The following AP2B1 variants were observed in gnomAD, a reference collection of about 807,000 sequenced individuals.
AP2B1 encodes adaptor related protein complex 2 subunit beta 1.
A neutral mutation model predicts 102.0 loss-of-function variants in AP2B1; 23 were observed. That is an observed-to-expected ratio of 0.23 (90% confidence interval 0.16 to 0.32). The LOEUF is 0.32. Among genes scored for constraint, AP2B1 ranks in the 10% least tolerant of loss-of-function variants. The pLI is 1.00. For missense variants in AP2B1, 541 were observed against 1,157.4 expected, an observed-to-expected ratio of 0.47 and a Z score of 7.73; for synonymous variants, 381 against 421.2, an observed-to-expected ratio of 0.90 and a Z score of 1.17.
At chr17:35,607,468 T>G (rs2073719658) in intron 4 of AP2B1, among the ~76,000 whole-genome samples, 1 of 152,226 alleles carries the variant, frequency 6.6e-6, no homozygotes, top group Non-Finnish European at 1.5e-5. Flanking sequence ...TTTTGGAAGT[T>G]AGAGTTGTGC....
At chr17:35,682,189 G>A (rs1395213752) in intron 17 of AP2B1, among the ~76,000 whole-genome samples, 1 of 151,482 alleles carries the variant, frequency 6.6e-6, no homozygotes, top group Non-Finnish European at 1.5e-5. Flanking sequence ...TGGAAGTTGA[G>A]GGCTGTGGTG....
intron 13 of AP2B1, among the ~76,000 whole-genome samples, chr17:35,656,884 C>CAAAAAAAA (rs11400227): frequency 2.2e-5 from 3 of 137,898 alleles, no homozygotes; most frequent in African/African-American, 2.7e-5. Context: ...GACTCCGTCT[C>CAAAAAAAA]AAAAAAAAAA....
intron 18 of AP2B1, among the ~76,000 whole-genome samples, chr17:35,692,366 TTAA>T (rs1394776956): frequency 1.3e-5 from 2 of 152,162 alleles, no homozygotes; most frequent in East Asian, 1.9e-4. Flanking sequence ...AAGCTAGGAG[TTAA>T]TGATGGATAA....
chr17:35,706,250 C>G (rs2076338975), intron 18 of AP2B1, among the ~76,000 whole-genome samples: 1 of 152,210 alleles, frequency 6.6e-6, no homozygotes, highest in Non-Finnish European at 1.5e-5. Flanking sequence ...CACCACTTAC[C>G]TAGAGGACCT....
intron 18 of AP2B1, among the ~76,000 whole-genome samples, chr17:35,708,687 T>G (rs760664215): frequency 6.6e-6 from 1 of 152,122 alleles, no homozygotes; most frequent in Non-Finnish European, 1.5e-5. Context: ...AAATAAGAGA[T>G]AGTATGGCAC....
intron 1 of AP2B1, among the ~76,000 whole-genome samples, chr17:35,593,420 A>G (rs1341770775): frequency 6.9e-6 from 1 of 144,540 alleles, no homozygotes; most frequent in Non-Finnish European, 1.5e-5. Context: ...ACCTATACGC[A>G]CCTACTAAAT....
chr17:35,653,803 A>G (rs1598185164), intron 13 of AP2B1, among the ~76,000 whole-genome samples: 1 of 151,528 alleles, frequency 6.6e-6, no homozygotes, highest in Admixed American at 6.6e-5. Flanking sequence ...TGAATTATCG[A>G]CCCCAGTGCT....
At chr17:35,630,976 C>G (rs1225670836) in intron 9 of AP2B1, among the ~76,000 whole-genome samples, 1 of 152,186 alleles carries the variant, frequency 6.6e-6, no homozygotes, top group African/African-American at 2.4e-5. Context: ...CAATGATTGC[C>G]TGTTTGCACT....
intron 3 of AP2B1, among the ~76,000 whole-genome samples, chr17:35,599,989 A>G (rs775277125): frequency 6.6e-6 from 1 of 152,324 alleles, no homozygotes; most frequent in East Asian, 1.9e-4. Context: ...GTTTATCGAT[A>G]CGGCTTCAGA....
rs2075647960 is a variant in AP2B1, at chr17:35,674,087, T to G, written c.2179-89T>G. 14 of 1,329,848 alleles carry G rather than the reference T, an allele frequency of 1.1e-5. No homozygotes were observed. The South Asian group carries it at 2.0e-4, about 19-fold the overall frequency. 82.4% of individuals were successfully genotyped at this position (1,329,848 alleles called of 1,614,324 possible). On this transcript the variant is annotated intron_variant, in intron 16 of 21. Coordinates refer to ENST00000610402, the MANE Select transcript of AP2B1 (RefSeq NM_001030006.2). Reference sequence around the variant, plus strand: ...GAAGTGAATTTGTTCACTTAATTGTTAATCTTAATTTGTTTTTTATTTGTT... The same window carrying G: ...GAAGTGAATTTGTTCACTTAATTGTGAATCTTAATTTGTTTTTTATTTGTT...
intron 2 of AP2B1, among the ~76,000 whole-genome samples, chr17:35,595,890 A>G (rs1339760122): frequency 8.6e-5 from 13 of 151,426 alleles, no homozygotes; most frequent in African/African-American, 3.2e-4. Flanking sequence ...AATGTCTATA[A>G]TTATATAAAG....
chr17:35,711,018 T>C (rs2076436225), intron 20 of AP2B1, among the ~76,000 whole-genome samples: 1 of 152,222 alleles, frequency 6.6e-6, no homozygotes, highest in Non-Finnish European at 1.5e-5. Context: ...TCTTTCATAG[T>C]TAACTTTGTT....
At chr17:35,631,167 T>C (rs2074450762) in intron 9 of AP2B1, among the ~76,000 whole-genome samples, 1 of 152,160 alleles carries the variant, frequency 6.6e-6, no homozygotes, top group Non-Finnish European at 1.5e-5. Flanking sequence ...CCTGGTCCTT[T>C]TCAGTTTTAA....
rs1336556723 is a variant in AP2B1, at chr17:35,627,433, T to C, written c.987T>C (p.Asn329=). ...QEIKVFFVKY[N]DPIYVKLEKL... is the part of the protein sequence containing the mutation. Reference sequence around the variant, plus strand: ...TCAAAGTCTTCTTTGTGAAGTACAATGATCCCATCTATGTTAAACTAGAGA... The same window carrying C: ...TCAAAGTCTTCTTTGTGAAGTACAACGATCCCATCTATGTTAAACTAGAGA... Residue 329 remains asparagine (N), a synonymous_variant, in exon 8 of 22, where the codon AAT becomes AAC. Transcript: ENST00000610402. 1 of 1,613,838 alleles carries C rather than the reference T, an allele frequency of 6.2e-7. No homozygotes were observed. Among genetic ancestry groups the C allele is most frequent in the Non-Finnish European group, 8.5e-7 (1 of 1,179,916 alleles).
intron 12 of AP2B1, among the ~76,000 whole-genome samples, chr17:35,645,253 G>T (rs768191387): frequency 6.6e-6 from 1 of 152,172 alleles, no homozygotes; most frequent in Non-Finnish European, 1.5e-5. Context: ...AAATTGGGTA[G>T]TGAGGTTCTG....
chr17:35,702,009 A>G (rs1598324841), intron 18 of AP2B1, among the ~76,000 whole-genome samples: 1 of 152,256 alleles, frequency 6.6e-6, no homozygotes, highest in Admixed American at 6.5e-5. Context: ...ATTCTTACTC[A>G]GCACCTATTC....
In AP2B1 at chr17:35,611,449, G is replaced by T. The variant is rs748247127; in HGVS notation, c.525+3062G>T. Reference sequence around the variant, plus strand: ...TGGTCAGGGATAAGGCCTAAGGGATGTTTAGCAGTAAAGTCGTGTGTGTGT... The same window carrying T: ...TGGTCAGGGATAAGGCCTAAGGGATTTTTAGCAGTAAAGTCGTGTGTGTGT... On this transcript the variant is annotated intron_variant, in intron 5 of 21. Transcript: ENST00000610402. 1.1e-4 allele frequency among the ~76,000 whole-genome samples: 16 copies of T among 152,122 alleles called. 1 individual carries two copies. Among genetic ancestry groups the T allele is most frequent in the Non-Finnish European group, 8.8e-5 (6 of 68,018 alleles).
intron 20 of AP2B1, among the ~76,000 whole-genome samples, chr17:35,714,885 A>G (rs1446666765): frequency 6.6e-6 from 1 of 152,186 alleles, no homozygotes; most frequent in Non-Finnish European, 1.5e-5. Context: ...CTCATTATCA[A>G]ACTCTCACAA....
chr17:35,604,260 A>G (rs2073587364), intron 3 of AP2B1, among the ~76,000 whole-genome samples: 1 of 151,844 alleles, frequency 6.6e-6, no homozygotes, highest in African/African-American at 2.4e-5. Flanking sequence ...GGCGCACACC[A>G]CCATGCCTGG....
Sources: allele counts gnomAD v4.1 joint callset (sites outside exome capture counted in the v4.1 genomes callset), GRCh38; gene constraint gnomAD v4.1.1; transcripts MANE v1.5; gene names NCBI Gene and HGNC (gene_info 2026-07-23, HGNC 2026-07-21).